The following SPOCK3 variants were observed in gnomAD, a reference collection of about 807,000 sequenced individuals.
SPOCK3 encodes SPARC (osteonectin), cwcv and kazal like domains proteoglycan 3, also known as testican-3.
SPOCK3 carries 30 observed loss-of-function variants against 56.6 expected under a neutral mutation model. The observed-to-expected ratio is 0.53, with a 90% CI of 0.40 to 0.72. SPOCK3 has a LOEUF of 0.72. Among genes scored for constraint, SPOCK3 ranks in the 30% least tolerant of loss-of-function variants. SPOCK3 has a pLI of 0.00. For synonymous variants in SPOCK3, 196 were observed against 183.3 expected (o/e 1.07, Z -0.56); for missense variants, 527 against 530.0 (o/e 0.99, Z 0.06).
intron 6 of SPOCK3, among the ~76,000 whole-genome samples, chr4:166,836,632 GTT>G (rs910494923): frequency 1.3e-5 from 2 of 152,060 alleles, no homozygotes; most frequent in African/African-American, 4.8e-5. Flanking sequence ...CTATGGAGTG[GTT>G]TTTGTTTTTG....
At chr4:167,053,386 T>C (rs964199294) in intron 3 of SPOCK3, among the ~76,000 whole-genome samples, 6 of 152,074 alleles carry the variant, frequency 3.9e-5, no homozygotes, top group Admixed American at 2.6e-4. Flanking sequence ...GGAACTTTCA[T>C]TGAATTATCT....
intron 3 of SPOCK3, among the ~76,000 whole-genome samples, chr4:167,057,225 C>T (rs1754994890): frequency 6.6e-6 from 1 of 152,260 alleles, no homozygotes; most frequent in African/African-American, 2.4e-5. Flanking sequence ...ACTTTACAGA[C>T]AAGCAAATGC....
chr4:166,917,853 G>C (rs1470890285), intron 4 of SPOCK3, among the ~76,000 whole-genome samples: 1 of 151,970 alleles, frequency 6.6e-6, no homozygotes, highest in African/African-American at 2.4e-5. Flanking sequence ...CTTTATATCA[G>C]TGTGAAAACT....
At chr4:167,232,871 A>G (rs1448542813) in intron 2 of SPOCK3, among the ~76,000 whole-genome samples, 4 of 152,216 alleles carry the variant, frequency 2.6e-5, no homozygotes, top group Non-Finnish European at 5.9e-5. Context: ...TAGAGGAGGC[A>G]GGATGAAAGC....
intron 6 of SPOCK3, among the ~76,000 whole-genome samples, chr4:166,872,391 C>T (rs911945763): frequency 1.3e-5 from 2 of 152,046 alleles, no homozygotes; most frequent in Non-Finnish European, 2.9e-5. Flanking sequence ...AAGTGAGCCT[C>T]CTAAACACTA....
chr4:167,172,249 A>G (rs1049228293), intron 2 of SPOCK3, among the ~76,000 whole-genome samples: 21 of 152,200 alleles, frequency 1.4e-4, no homozygotes, highest in African/African-American at 4.1e-4. Context: ...ACCAAAGTTC[A>G]TAATCAAAAT....
chr4:167,100,500 C>G, intron 2 of SPOCK3, among the ~76,000 whole-genome samples: 1 of 150,808 alleles, frequency 6.6e-6, no homozygotes, highest in East Asian at 1.9e-4. Flanking sequence ...CACACACACA[C>G]ACACAACCCT....
At chr4:167,163,340 G>A (rs1765489136) in intron 2 of SPOCK3, among the ~76,000 whole-genome samples, 1 of 151,154 alleles carries the variant, frequency 6.6e-6, no homozygotes, top group African/African-American at 2.4e-5. Context: ...TATGTTTATG[G>A]AGTACATGCT....
intron 2 of SPOCK3, among the ~76,000 whole-genome samples, chr4:167,155,609 T>C (rs886690715): frequency 2.0e-5 from 3 of 152,194 alleles, no homozygotes; most frequent in Admixed American, 6.6e-5. Flanking sequence ...TTTAATTCAC[T>C]TGAGTTTTAA....
intron 4 of SPOCK3, among the ~76,000 whole-genome samples, chr4:166,967,157 C>T (rs1034097935): frequency 1.3e-5 from 2 of 152,122 alleles, no homozygotes; most frequent in Admixed American, 1.3e-4. Flanking sequence ...AATTTGGTCA[C>T]CTCAGCAGCC....
chr4:166,949,579 G>A (rs1293004395), intron 4 of SPOCK3, among the ~76,000 whole-genome samples: 4 of 152,190 alleles, frequency 2.6e-5, no homozygotes, highest in Non-Finnish European at 2.9e-5. Flanking sequence ...TTAGCTGCAC[G>A]TCTGTTGGAG....
chr4:166,835,798 G>A lies in SPOCK3; in HGVS notation c.590-43509C>T, dbSNP rs142082113. 5.1e-3 allele frequency among the ~76,000 whole-genome samples: 773 copies of A among 152,224 alleles called. 6 individuals carry two copies. Among genetic ancestry groups the A allele is most frequent in the Non-Finnish European group, 7.7e-3 (522 of 67,996 alleles). On this transcript the variant is annotated intron_variant, in intron 6 of 10. Transcript: ENST00000357545. ...GCGGATCACCTGAGATCGGGAGTTC[G>A]AGACCAGCCTGACCAACATGGAGAA...
At chr4:166,972,248 A>G (rs1695594398) in intron 4 of SPOCK3, among the ~76,000 whole-genome samples, 1 of 152,180 alleles carries the variant, frequency 6.6e-6, no homozygotes, top group East Asian at 1.9e-4. Flanking sequence ...TGCTTGCTAC[A>G]TAAGCATGAT....
At chr4:166,873,312 C>T (rs1732691890) in intron 6 of SPOCK3, among the ~76,000 whole-genome samples, 5 of 151,742 alleles carry the variant, frequency 3.3e-5, no homozygotes, top group Admixed American at 2.0e-4. Flanking sequence ...TGTATAATAC[C>T]ACAATGACTG....
At position 166,816,800 on chromosome 4, in the gene SPOCK3, A is replaced by G. The variant is rs183433084; in HGVS notation, c.590-24511T>C. Among the ~76,000 whole-genome samples the G allele has an allele frequency of 4.5e-4, 69 of 152,200 alleles. No homozygotes were observed. In the South Asian group the frequency reaches 0.013, roughly 29 times the overall value. On this transcript the variant is annotated intron_variant, in intron 6 of 10. Coordinates refer to ENST00000357545, the MANE Select transcript of SPOCK3 (RefSeq NM_001040159.2). ...AAAAACATTAAGGAAAACACTATTA[A>G]AAATCTCCTAGAAGACAGAAGGCCT...
At chr4:166,936,267 C>A (rs1740390199) in intron 4 of SPOCK3, among the ~76,000 whole-genome samples, 1 of 152,010 alleles carries the variant, frequency 6.6e-6, no homozygotes, top group Non-Finnish European at 1.5e-5. Context: ...GCAATATTAA[C>A]ATATACTTTT....
At chr4:167,054,126 G>A (rs1005738136) in intron 3 of SPOCK3, among the ~76,000 whole-genome samples, 1 of 152,086 alleles carries the variant, frequency 6.6e-6, no homozygotes, top group Non-Finnish European at 1.5e-5. Flanking sequence ...TTTATCGTGT[G>A]CTGGAGAAAA....
At chr4:167,199,735 A>G (rs1733336913) in intron 2 of SPOCK3, among the ~76,000 whole-genome samples, 1 of 143,814 alleles carries the variant, frequency 7.0e-6, no homozygotes, top group Non-Finnish European at 1.5e-5. Context: ...AATAATAATA[A>G]TAACTTTAAG....
intron 6 of SPOCK3, among the ~76,000 whole-genome samples, chr4:166,854,995 C>A (rs916760200): frequency 5.3e-5 from 8 of 152,172 alleles, no homozygotes. Context: ...GCCCCACTGC[C>A]TGTCTCAAAG....
Sources: gnomAD v4.1 joint callset for allele counts (sites outside exome capture counted in the v4.1 genomes callset) on GRCh38, gnomAD v4.1.1 for gene constraint, MANE v1.5 for transcripts, NCBI Gene and HGNC (gene_info 2026-07-23, HGNC 2026-07-21) for gene names.